The following PDE6B variants were observed in gnomAD, a reference collection of about 807,000 sequenced individuals.
PDE6B encodes the protein phosphodiesterase 6B.
A neutral mutation model predicts 109.0 loss-of-function variants in PDE6B; 106 were observed. The observed-to-expected ratio is 0.97, with a 90% confidence interval of 0.83 to 1.14. The LOEUF is 1.14. PDE6B is among the 50% of genes most tolerant of loss of function. PDE6B has a pLI of 0.00. For missense variants in PDE6B, 1,193 were observed against 1,155.6 expected (o/e 1.03, Z -0.47); for synonymous variants, 490 against 471.3 (o/e 1.04, Z -0.51).
At chr4:654,521 A>G (rs1225934940) in intron 5 of PDE6B, 2 of 592,386 alleles carry the variant, frequency 3.4e-6, no homozygotes, top group Non-Finnish European at 6.1e-6. Context: ...TGTGCGGAAC[A>G]CAGACTGGGA....
At chr4:655,434 C>A in intron 6 of PDE6B, 1 of 284,038 alleles carries the variant, frequency 3.5e-6, no homozygotes. Context: ...AACCAGGATC[C>A]AGGTGCCAGG....
rs370500746 is a variant in PDE6B at position 626,753 on chromosome 4, G to A, written c.468+659G>A. Among the ~76,000 whole-genome samples, 1 of 152,238 alleles carries A rather than the reference G, an allele frequency of 6.6e-6. No individual in the cohort carries two copies. Among genetic ancestry groups the A allele is most frequent in the South Asian group, 2.1e-4 (1 of 4,834 alleles). Reference sequence around the variant, plus strand: ...AGTCACTGAAGGAGGGAAGGGCAGGGCCTGTTCATGCAAAGCCTGGGCTAG... The same window carrying A: ...AGTCACTGAAGGAGGGAAGGGCAGGACCTGTTCATGCAAAGCCTGGGCTAG... On this transcript the variant is annotated intron_variant, in intron 1 of 21. Transcript: ENST00000496514. The surrounding 1 kb of genome is among the most constrained non-coding windows in gnomAD (Gnocchi z 4.6).
rs1054016831 is a variant in PDE6B, at chr4:663,981, C to G, written c.2021+111C>G. 1.8e-6 allele frequency: 2 copies of G among 1,084,400 alleles called. No individual in the cohort carries two copies. The highest frequency in any genetic ancestry group is 2.8e-6 in the Non-Finnish European group (2 of 719,344). 67.2% of individuals were successfully genotyped at this position (1,084,400 alleles called of 1,614,324 possible). ...AGCCCGGGGGACGCAGCCCCGGATT[C>G]CGTCCCTGCCCGCCGGCCCCGCGCA... On this transcript the variant is annotated intron_variant, in intron 16 of 21. Coordinates refer to ENST00000496514, the MANE Select transcript of PDE6B (RefSeq NM_000283.4). The surrounding 1 kb of genome is among the most constrained non-coding windows in gnomAD (Gnocchi z 4.0).
chr4:657,281 T>C, intron 9 of PDE6B, 70 bp from the exon 10 acceptor site: 5 of 1,581,842 alleles, frequency 3.2e-6, no homozygotes, highest in Non-Finnish European at 8.7e-7. Context: ...CCACGGGGCC[T>C]GGCACACAGG....
intron 21 of PDE6B, 147 bp downstream of exon 21, chr4:668,153 G>C: frequency 1.3e-6 from 1 of 750,866 alleles, no homozygotes; most frequent in Non-Finnish European, 2.1e-6. Flanking sequence ...AGTGCAGGGA[G>C]AGAGGCCACG....
At chr4:645,485 C>T (rs1347061179) in intron 3 of PDE6B, among the ~76,000 whole-genome samples, 2 of 151,362 alleles carry the variant, frequency 1.3e-5, no homozygotes, top group African/African-American at 2.4e-5. Flanking sequence ...TTAGTAGAGA[C>T]GGGGTTTCAC....
chr4:659,698 T>TTG (rs60213456), intron 11 of PDE6B, among the ~76,000 whole-genome samples: 3 of 149,308 alleles, frequency 2.0e-5, no homozygotes, highest in South Asian at 2.1e-4. Flanking sequence ...ACATGGGCGT[T>TTG]TGTGTGTGTG....
In PDE6B at chr4:653,990, A is replaced by C. The variant is rs1735863848; in HGVS notation, c.850A>C (p.Lys284Gln). The C allele has an allele frequency of 6.2e-7, 1 of 1,613,700 alleles. No individual in the cohort carries two copies. Among genetic ancestry groups the C allele is most frequent in the Non-Finnish European group, 8.5e-7 (1 of 1,179,992 alleles). ...GGGCCTCCTGGACATGACCAAGGAG[A>C]AGGTGAGGCTTCCGTGGCTCAGGGA... ...SVGLLDMTKE[K>Q]EFFDVWSVLM... Residue 284 changes from lysine (K) to glutamine (Q), a missense_variant and splice_region_variant, in exon 4 of 22, where the codon AAG (lysine) becomes CAG (glutamine). Lys to Gln is a moderately conservative substitution (Grantham distance 53). Transcript: ENST00000496514.
At chr4:629,113 GCCCAGCTA>G (rs1166834306) in intron 1 of PDE6B, among the ~76,000 whole-genome samples, 1 of 152,250 alleles carries the variant, frequency 6.6e-6, no homozygotes, top group Admixed American at 6.5e-5. Flanking sequence ...GAGAGGCCCT[GCCCAGCTA>G]CCCAGTGTTC....
intron 3 of PDE6B, among the ~76,000 whole-genome samples, chr4:647,282 T>C (rs899339349): frequency 6.6e-6 from 1 of 152,078 alleles, no homozygotes; most frequent in Admixed American, 6.5e-5. Flanking sequence ...GCATGACTTA[T>C]AATTTTTGGC....
In PDE6B at chr4:666,199, C is replaced by T. The variant is rs889351736; in HGVS notation, c.2269-332C>T. On this transcript the variant is annotated intron_variant, in intron 19 of 21. Transcript: ENST00000496514. The surrounding 1 kb of genome is among the most constrained non-coding windows in gnomAD (Gnocchi z 5.6). ...GTCTGGGCAGTGCAGCCCAGCCCGG[C>T]TCAGCACTGTGTACAGCCCATCCCC... Among the ~76,000 whole-genome samples, 1 of 152,160 alleles carries T rather than the reference C, an allele frequency of 6.6e-6. No homozygotes were observed. The highest frequency in any genetic ancestry group is 1.9e-4 in the East Asian group (1 of 5,186).
rs1040376648 is a variant in PDE6B, at chr4:636,108, G to C, written c.711+139G>C. 1 of 666,946 alleles carries C rather than the reference G, an allele frequency of 1.5e-6. No homozygotes were observed. The highest frequency in any genetic ancestry group is 2.1e-5 in the Admixed American group (1 of 46,788). The allele number at this position is 666,946 out of a possible 1,614,324, so 41.3% of individuals were successfully genotyped here. A position where few individuals can be genotyped will look rare whatever the true frequency, so the allele number is the denominator to read the frequency against. ...CCTGGGGTGGGCATTGCTCAGGGGA[G>C]AGGAGGGCTCCATGGCTTCTGTGGC... On this transcript the variant is annotated intron_variant, in intron 3 of 21. Transcript: ENST00000496514. The surrounding 1 kb of genome is among the most constrained non-coding windows in gnomAD (Gnocchi z 4.5).
chr4:653,684 C>T, intron 3 of PDE6B, 168 bp from the exon 4 acceptor site: 1 of 784,244 alleles, frequency 1.3e-6, no homozygotes. Context: ...CAGATGAAAC[C>T]TGGCCACGGA....
At chr4:638,778 G>A (rs1274231087) in intron 3 of PDE6B, among the ~76,000 whole-genome samples, 4 of 152,178 alleles carry the variant, frequency 2.6e-5, no homozygotes, top group African/African-American at 9.7e-5. Flanking sequence ...GGCTGGGCCT[G>A]GTGTTTATCC....
At chr4:637,374 C>G (rs1423373616) in intron 3 of PDE6B, among the ~76,000 whole-genome samples, 1 of 152,088 alleles carries the variant, frequency 6.6e-6, no homozygotes, top group African/African-American at 2.4e-5. Flanking sequence ...ACATGTGCCT[C>G]CAGGCCTGGC....
Position 663,802 on chromosome 4 carries a change from G to C in PDE6B, c.1953G>C (p.Arg651=). 1 of 1,612,254 alleles carries C rather than the reference G, an allele frequency of 6.2e-7. No individual in the cohort carries two copies. The highest frequency in any genetic ancestry group is 8.5e-7 in the Non-Finnish European group (1 of 1,179,320). ...TLNIYQNLNR[R]QHEHVIHLMD... ...ACATCTACCAGAACCTGAACCGGCG[G>C]CAGCACGAGCACGTGATCCACCTGA... Residue 651 remains arginine, a synonymous_variant, in exon 16 of 22, where the codon CGG becomes CGC. Coordinates refer to ENST00000496514, the MANE Select transcript of PDE6B (RefSeq NM_000283.4). The surrounding 1 kb of genome is among the most constrained non-coding windows in gnomAD (Gnocchi z 4.0).
rs748420525 is a variant in PDE6B at position 626,915 on chromosome 4, G to A, written c.468+821G>A. Among the ~76,000 whole-genome samples, 9 of 152,216 alleles carry A rather than the reference G, an allele frequency of 5.9e-5. No individual in the cohort carries two copies. The highest frequency in any genetic ancestry group is 1.2e-4 in the Non-Finnish European group (8 of 68,032). On this transcript the variant is annotated intron_variant, in intron 1 of 21. Transcript: ENST00000496514. The surrounding 1 kb of genome is among the most constrained non-coding windows in gnomAD (Gnocchi z 4.6). ...CCCTGAGGAGCTGCCCGGCAAGGGGGCTCTGAGGAAGAAGGGGAGGGGGGA... is the reference window on the plus strand; with the variant it reads ...CCCTGAGGAGCTGCCCGGCAAGGGGACTCTGAGGAAGAAGGGGAGGGGGGA...
In PDE6B at chr4:636,705, T is replaced by C. The variant is rs2109138966; in HGVS notation, c.711+736T>C. The stretch of plus-strand genomic sequence containing the variant: ...CGTGTCTTGTTCTGCCTGCGGATGC[T>C]GCCTGGCCCTGGTCACCTGCTGCGA... On this transcript the variant is annotated intron_variant, in intron 3 of 21. Coordinates refer to ENST00000496514, the MANE Select transcript of PDE6B (RefSeq NM_000283.4). This position sits in a 1 kb window ranked among gnomAD's most constrained non-coding sequence, Gnocchi z 4.5. 6.6e-6 allele frequency among the ~76,000 whole-genome samples: 1 copy of C among 152,258 alleles called. No homozygotes were observed. Among genetic ancestry groups the C allele is most frequent in the East Asian group, 1.9e-4 (1 of 5,176 alleles).
Position 654,806 on chromosome 4 carries a change from G to A in PDE6B, c.928-18G>A. On this transcript the variant is annotated intron_variant, in intron 5 of 21. Transcript: ENST00000496514. The stretch of plus-strand genomic sequence containing the variant: ...GCTTGGCCAGGCAGCCCCCCGACCA[G>A]TGTCTTCTGCTTCTCAGGAAATTGT... The A allele has an allele frequency of 7.1e-7, 1 of 1,412,084 alleles. No individual in the cohort carries two copies. Among genetic ancestry groups the A allele is most frequent in the South Asian group, 1.1e-5 (1 of 87,048 alleles). The allele number at this position is 1,412,084 out of a possible 1,614,324, so 87.5% of individuals were successfully genotyped here. A position where few individuals can be genotyped will look rare whatever the true frequency, so the allele number is the denominator to read the frequency against.
Sources: gnomAD v4.1 joint callset for allele counts (sites outside exome capture counted in the v4.1 genomes callset) on GRCh38, gnomAD v4.1.1 for gene constraint, Gnocchi (gnomAD v3.1) non-coding constraint, MANE v1.5 for transcripts, NCBI Gene and HGNC (gene_info 2026-07-23, HGNC 2026-07-21) for gene names.